ZFHX3: variants seen among roughly 807,000 people sequenced by gnomAD.
ZFHX3 encodes the protein zinc finger homeobox protein 3.
A neutral mutation model predicts 279.1 loss-of-function variants in ZFHX3; 42 were observed. The ratio of observed to expected loss-of-function variants is 0.15; its 90% CI spans 0.12 to 0.19. The LOEUF (loss-of-function observed/expected upper bound fraction) is 0.19. Among genes scored for constraint, ZFHX3 ranks in the 10% least tolerant of loss-of-function variants. The pLI is 1.00. For missense variants in ZFHX3, 4,981 were observed against 4,754.0 expected (o/e 1.05, Z -1.40); for synonymous variants, 2,293 against 1,957.8 (o/e 1.17, Z -4.52).
intron 2 of ZFHX3, among the ~76,000 whole-genome samples, chr16:73,579,863 T>G (rs1046536326): frequency 4.1e-5 from 6 of 146,272 alleles, no homozygotes; most frequent in East Asian, 2.0e-4. Flanking sequence ...ATTATATATA[T>G]ATATATATAT....
Position 72,787,503 on chromosome 16 carries a change from A to G in ZFHX3, c.10773T>C (p.Ala3591=), listed in dbSNP as rs2143274218. ...GGGGAGGGGGGCTGTCGTTTGAGTG[A>G]GCGGCAGACTGCGAGGTAGATGCGG... ...PSTASTSQSA[A]HSNDSPPPPS... is the part of the protein sequence containing the mutation. Residue 3591 remains alanine, a synonymous_variant, in exon 10 of 10, where the codon GCT becomes GCC. Transcript: ENST00000268489. The G allele has an allele frequency of 6.2e-7, 1 of 1,613,674 alleles. No individual in the cohort carries two copies. Among genetic ancestry groups the G allele is most frequent in the Non-Finnish European group, 8.5e-7 (1 of 1,179,862 alleles).
At position 73,881,957 on chromosome 16, in the gene ZFHX3, G is replaced by A. The variant is rs528775255; in HGVS notation, c.-1608+9694C>T. 2.6e-5 allele frequency among the ~76,000 whole-genome samples: 4 copies of A among 152,172 alleles called. No individual in the cohort carries two copies. In the South Asian group the frequency reaches 8.3e-4, roughly 32 times the overall value. ...AGGGATTTCTGTGCAGAAAACGCTC[G>A]TGGAGTCTGCCGTCTCTTAGTCTCT... On this transcript the variant is annotated intron_variant, in intron 1 of 17. Coordinates refer to the ZFHX3 transcript ENST00000641206.
intron 5 of ZFHX3, among the ~76,000 whole-genome samples, chr16:73,208,307 C>T (rs2011881580): frequency 6.6e-6 from 1 of 152,124 alleles, no homozygotes; most frequent in Non-Finnish European, 1.5e-5. Context: ...TTTCCACTGA[C>T]ACAATACATG....
intron 2 of ZFHX3, among the ~76,000 whole-genome samples, chr16:73,469,609 C>T (rs1481594695): frequency 1.3e-5 from 2 of 150,980 alleles, no homozygotes; most frequent in East Asian, 2.0e-4. Context: ...CTAGTCCCAA[C>T]CTCCAATATA....
chr16:73,018,433 C>T (rs982745596), intron 1 of ZFHX3, among the ~76,000 whole-genome samples: 3 of 152,018 alleles, frequency 2.0e-5, no homozygotes, highest in Admixed American at 6.5e-5. Context: ...TGGTGAAACC[C>T]CGTCTCTACT....
At chr16:73,332,748 T>C (rs1196335600) in intron 3 of ZFHX3, among the ~76,000 whole-genome samples, 1 of 152,184 alleles carries the variant, frequency 6.6e-6, no homozygotes, top group Non-Finnish European at 1.5e-5. Flanking sequence ...TACGTAGTGA[T>C]CTCTTTCCAT....
At chr16:73,594,283 A>G (rs993792537) in intron 2 of ZFHX3, among the ~76,000 whole-genome samples, 1 of 152,196 alleles carries the variant, frequency 6.6e-6, no homozygotes, top group Non-Finnish European at 1.5e-5. Context: ...TCTAGAAATA[A>G]ATCTAAACAT....
At chr16:72,988,965 C>G (rs1156703628) in intron 1 of ZFHX3, among the ~76,000 whole-genome samples, 1 of 151,996 alleles carries the variant, frequency 6.6e-6, no homozygotes, top group Non-Finnish European at 1.5e-5. Context: ...CACAGGAGCC[C>G]CTGAGTTTGA....
Position 73,105,497 on chromosome 16 carries a change from A to G in ZFHX3, c.-896-11899T>C, listed in dbSNP as rs564089813. On this transcript the variant is annotated intron_variant, in intron 7 of 17. Coordinates refer to the ZFHX3 transcript ENST00000641206. Reference sequence around the variant, plus strand: ...CCAGGCGTGCTGGCTCACACCTGTAATCCCAGCACTTTGGGAGGCAAAGAC... The same window carrying G: ...CCAGGCGTGCTGGCTCACACCTGTAGTCCCAGCACTTTGGGAGGCAAAGAC... Among the ~76,000 whole-genome samples the G allele has an allele frequency of 1.3e-4, 19 of 150,880 alleles. No individual in the cohort carries two copies. In the South Asian group the frequency reaches 2.1e-3, roughly 17 times the overall value.
At chr16:73,630,996 A>G (rs1302328978) in intron 2 of ZFHX3, among the ~76,000 whole-genome samples, 2 of 150,816 alleles carry the variant, frequency 1.3e-5, no homozygotes, top group African/African-American at 4.9e-5. Context: ...CTGACTTAAA[A>G]GTGATGTTCG....
chr16:73,485,450 T>G (rs1345060290), intron 2 of ZFHX3, among the ~76,000 whole-genome samples: 6 of 151,854 alleles, frequency 4.0e-5, no homozygotes, highest in Admixed American at 3.3e-4. Context: ...AAAAAAAACT[T>G]TCTAGCATTT....
chr16:73,041,062 T>C (rs1965093884), intron 1 of ZFHX3, among the ~76,000 whole-genome samples: 2 of 152,312 alleles, frequency 1.3e-5, no homozygotes, highest in South Asian at 2.1e-4. Context: ...GCTTCTCCCA[T>C]TCACTGTTGA....
chr16:73,050,973 G>T (rs1046483599), upstream of ZFHX3, among the ~76,000 whole-genome samples: 35 of 152,158 alleles, frequency 2.3e-4, no homozygotes, highest in Admixed American at 6.5e-5. Context: ...AAATTACAAT[G>T]ATTCTACCGA....
chr16:73,770,935 G>C (rs1031281148), intron 1 of ZFHX3, among the ~76,000 whole-genome samples: 4 of 152,158 alleles, frequency 2.6e-5, no homozygotes, highest in South Asian at 2.1e-4. Flanking sequence ...CCCTTGCAAG[G>C]TAAGACATTG....
intron 4 of ZFHX3, among the ~76,000 whole-genome samples, chr16:72,862,515 AT>A (rs1215526587): frequency 2.0e-5 from 3 of 152,256 alleles, no homozygotes; most frequent in Non-Finnish European, 4.4e-5. Context: ...GAATATCATC[AT>A]TTTGCCAGCT....
At chr16:72,831,282 G>A (rs2037054421) in intron 4 of ZFHX3, among the ~76,000 whole-genome samples, 1 of 152,146 alleles carries the variant, frequency 6.6e-6, no homozygotes, top group Non-Finnish European at 1.5e-5. Flanking sequence ...CCAAGGTCTG[G>A]AAAACTGAAC....
chr16:73,670,135 G>T (rs2052888583), intron 2 of ZFHX3, among the ~76,000 whole-genome samples: 1 of 152,192 alleles, frequency 6.6e-6, no homozygotes, highest in Admixed American at 6.5e-5. Context: ...GACCAACACT[G>T]CACTGCTAAA....
At chr16:72,940,098 G>A (rs1389882580) in intron 3 of ZFHX3, among the ~76,000 whole-genome samples, 2 of 151,986 alleles carry the variant, frequency 1.3e-5, no homozygotes, top group African/African-American at 4.8e-5. Flanking sequence ...TTTTTATAGA[G>A]ACAGGGTCTG....
At chr16:73,628,223 G>C (rs1036015445) in intron 2 of ZFHX3, among the ~76,000 whole-genome samples, 2 of 152,278 alleles carry the variant, frequency 1.3e-5, no homozygotes, top group South Asian at 4.1e-4. Context: ...GAGAGGTACT[G>C]TAATCTTTTA....
Sources: allele counts gnomAD v4.1 joint callset (sites outside exome capture counted in the v4.1 genomes callset), GRCh38; gene constraint gnomAD v4.1.1; transcripts MANE v1.5; gene names NCBI Gene and HGNC (gene_info 2026-07-23, HGNC 2026-07-21).